The following KIF26A variants were observed in gnomAD, a reference collection of about 807,000 sequenced individuals.
KIF26A encodes kinesin family member 26A.
In KIF26A, 74 loss-of-function variants were observed where a neutral mutation model predicts 126.0. The ratio of observed to expected loss-of-function variants is 0.59; its 90% CI spans 0.49 to 0.71. The LOEUF is 0.71. Ranked by LOEUF, KIF26A falls within the 30% of genes least tolerant of loss-of-function variation. The probability of loss-of-function intolerance (pLI) is 0.00; values close to 1 mark genes in which losing one functional copy is unlikely to be tolerated. For missense variants in KIF26A, 2,984 were observed against 2,763.3 expected (o/e 1.08, Z -1.79); for synonymous variants, 1,445 against 1,232.7 (o/e 1.17, Z -3.61).
At chr14:104,147,686 C>T (rs919368583) in intron 2 of KIF26A, among the ~76,000 whole-genome samples, 9 of 152,338 alleles carry the variant, frequency 5.9e-5, no homozygotes, top group African/African-American at 2.2e-4. Context: ...GCTGCCTGGC[C>T]GGGGGTCCCT....
intron 1 of KIF26A, 80 bp downstream of exon 1, chr14:104,138,844 C>T (rs1195851532): frequency 8.0e-6 from 10 of 1,257,808 alleles, no homozygotes; most frequent in Admixed American, 4.2e-5. Flanking sequence ...TGCGCTGGAT[C>T]CCTGGGGGCC....
intron 2 of KIF26A, among the ~76,000 whole-genome samples, chr14:104,143,519 G>A (rs575360551): frequency 2.0e-4 from 30 of 152,128 alleles, no homozygotes; most frequent in Non-Finnish European, 3.8e-4. Context: ...TCACTTGTCC[G>A]AGGAAGCCCT....
At chr14:104,172,293 T>C (rs2037967417) in intron 6 of KIF26A, among the ~76,000 whole-genome samples, 1 of 152,258 alleles carries the variant, frequency 6.6e-6, no homozygotes. Context: ...TGCGTCTCTC[T>C]GCGCGTGGTG....
intron 4 of KIF26A, 110 bp downstream of exon 4, chr14:104,158,052 G>A: frequency 1.9e-6 from 2 of 1,059,250 alleles, no homozygotes; most frequent in Non-Finnish European, 2.6e-6. Flanking sequence ...CATGCTTGCT[G>A]CTGAGACGAG....
At chr14:104,170,263 C>T (rs2037944304) in intron 5 of KIF26A, among the ~76,000 whole-genome samples, 1 of 152,146 alleles carries the variant, frequency 6.6e-6, no homozygotes, top group African/African-American at 2.4e-5. Flanking sequence ...TTTGTGGTGG[C>T]GTCTGGAAAT....
chr14:104,152,497 C>T lies in KIF26A; in HGVS notation c.735+36C>T. On this transcript the variant is annotated intron_variant, in intron 3 of 14. Transcript: ENST00000423312. The surrounding 1 kb of genome is among the most constrained non-coding windows in gnomAD (Gnocchi z 5.9). ...TGCTCAGCGGATGGGAGCTGCTGGC[C>T]TCCTTGTCAGAACTGGGCTTCCTTC... 6.6e-7 allele frequency: 1 copy of T among 1,505,720 alleles called. No individual in the cohort carries two copies. Among genetic ancestry groups the T allele is most frequent in the Non-Finnish European group, 8.9e-7 (1 of 1,129,300 alleles). 93.3% of individuals were successfully genotyped at this position (1,505,720 alleles called of 1,614,324 possible). A position where few individuals can be genotyped will look rare whatever the true frequency, so the allele number is the denominator to read the frequency against.
intron 5 of KIF26A, among the ~76,000 whole-genome samples, chr14:104,167,396 C>T (rs1380631244): frequency 1.3e-5 from 2 of 152,098 alleles, no homozygotes; most frequent in Non-Finnish European, 2.9e-5. Context: ...AGACGCAGCC[C>T]TGAGGGGGCT....
chr14:104,142,568 TCAGGGGCC>T (rs2037646925), intron 2 of KIF26A, among the ~76,000 whole-genome samples: 2 of 152,300 alleles, frequency 1.3e-5, no homozygotes, highest in African/African-American at 4.8e-5. Flanking sequence ...TGCTCTGGCC[TCAGGGGCC>T]CCTTCTCAGG....
intron 4 of KIF26A, among the ~76,000 whole-genome samples, chr14:104,161,165 G>A (rs2037829369): frequency 1.3e-5 from 2 of 152,364 alleles, no homozygotes; most frequent in South Asian, 4.1e-4. Context: ...TGGAGGGGCT[G>A]ATGCCTCAGT....
chr14:104,165,073 A>G (rs551861967), intron 4 of KIF26A, among the ~76,000 whole-genome samples: 219 of 130,998 alleles, frequency 1.7e-3, no homozygotes, highest in Non-Finnish European at 3.0e-3. Flanking sequence ...GTGTTTCTGT[A>G]TGCATGTGTG....
chr14:104,166,390 C>T (rs1223187512), intron 4 of KIF26A, among the ~76,000 whole-genome samples: 1 of 152,140 alleles, frequency 6.6e-6, no homozygotes, highest in Non-Finnish European at 1.5e-5. Context: ...ATTGTCACCT[C>T]ATCCGACTTT....
In KIF26A at chr14:104,173,354, G is replaced by T; in HGVS notation, c.1708G>T (p.Ala570Ser). 1 of 1,602,936 alleles carries T rather than the reference G, an allele frequency of 6.2e-7. No homozygotes were observed. ...AQLQNQSELR[A>S]PTAEKAAFYL... is the part of the protein sequence containing the mutation. ...GCTCCAGAACCAAAGCGAGCTGCGGGCACCCACGGCCGAGAAGGCGGCTTT... is the reference window on the plus strand; with the variant it reads ...GCTCCAGAACCAAAGCGAGCTGCGGTCACCCACGGCCGAGAAGGCGGCTTT... Residue 570 changes from alanine (A) to serine (S), a missense_variant, in exon 9 of 15, where the codon GCA becomes TCA. Ala to Ser is a moderately conservative substitution (Grantham distance 99). Transcript: ENST00000423312.
chr14:104,158,314 G>A (rs974819585), intron 4 of KIF26A, among the ~76,000 whole-genome samples: 28 of 152,252 alleles, frequency 1.8e-4, no homozygotes, highest in African/African-American at 6.0e-4. Flanking sequence ...CATAGGAGTC[G>A]CTGTGACTGC....
intron 4 of KIF26A, among the ~76,000 whole-genome samples, chr14:104,161,054 C>T (rs760898226): frequency 1.8e-4 from 28 of 152,224 alleles, no homozygotes; most frequent in African/African-American, 2.4e-4. Context: ...GCTGGGGACC[C>T]ACATGGAAGG....
At position 104,139,266 on chromosome 14, in the gene KIF26A, GC is replaced by G; in HGVS notation, c.267del (p.Ser89ArgfsTer119). The G allele has an allele frequency of 6.5e-7, 1 of 1,532,072 alleles. No individual in the cohort carries two copies. Among genetic ancestry groups the G allele is most frequent in the Non-Finnish European group, 8.8e-7 (1 of 1,141,078 alleles). 94.9% of individuals were successfully genotyped at this position (1,532,072 alleles called of 1,614,324 possible). A position where few individuals can be genotyped will look rare whatever the true frequency, so the allele number is the denominator to read the frequency against. ...AAGCGACAGGCGTGGAAGCTGGTCA[GC>G]GGGCCCGGGACCACCCTCCGGGTAA... ...ELKRQAWKLV[S>X]GPGTTLRDPC... On this transcript the variant is annotated frameshift_variant, in exon 2 of 15. Coordinates refer to ENST00000423312, the MANE Select transcript of KIF26A (RefSeq NM_015656.2). LOFTEE classifies it high-confidence loss of function.
intron 5 of KIF26A, among the ~76,000 whole-genome samples, chr14:104,168,199 G>A (rs1033753408): frequency 5.3e-5 from 8 of 152,212 alleles, no homozygotes; most frequent in Admixed American, 2.0e-4. Context: ...TGCCAGGCTC[G>A]TGGGAGGGTT....
intron 2 of KIF26A, among the ~76,000 whole-genome samples, chr14:104,149,037 G>A (rs951117274): frequency 7.2e-5 from 11 of 152,350 alleles, no homozygotes; most frequent in African/African-American, 2.6e-4. Context: ...TACCCGAGCA[G>A]TCTGTGCCCT....
rs1253755009 is a variant in KIF26A at position 104,157,848 on chromosome 14, C to G, written c.829C>G (p.Arg277Gly). The G allele has an allele frequency of 1.2e-6, 2 of 1,608,682 alleles. No individual in the cohort carries two copies. The highest frequency in any genetic ancestry group is 1.7e-6 in the Non-Finnish European group (2 of 1,177,688). Residue 277 changes from arginine to glycine, a missense_variant, in exon 4 of 15, where the codon CGT (arginine) becomes GGT (glycine). Arg to Gly is a moderately radical substitution (Grantham distance 125, BLOSUM62 -2). Transcript: ENST00000423312. ...TGATGGCTTGTCGAAGGCCTGGGGC[C>G]GTGGTGGAGTCTGCACGTCAGCCCT... ...GPDGLSKAWG[R>G]GGVCTSALVT...
chr14:104,155,877 C>T (rs537045676), intron 3 of KIF26A, among the ~76,000 whole-genome samples: 22 of 152,174 alleles, frequency 1.4e-4, no homozygotes, highest in Admixed American at 5.2e-4. Flanking sequence ...GTGGAGGGGC[C>T]GGGTGGGCTG....
Sources: gnomAD v4.1 joint callset for allele counts (sites outside exome capture counted in the v4.1 genomes callset) on GRCh38, gnomAD v4.1.1 for gene constraint, Gnocchi (gnomAD v3.1) non-coding constraint, MANE v1.5 for transcripts, NCBI Gene and HGNC (gene_info 2026-07-23, HGNC 2026-07-21) for gene names.